Variants in PPP3CA observed in about 807,000 individuals in gnomAD.
The protein encoded by PPP3CA is CAM-PRP catalytic subunit.
A neutral mutation model predicts 66.5 loss-of-function variants in PPP3CA; 14 were observed. That is an observed-to-expected ratio of 0.21 (90% CI 0.14 to 0.33). The LOEUF is 0.33. PPP3CA is among the 10% of genes least tolerant of loss of function. The pLI, the probability that PPP3CA is intolerant of heterozygous loss-of-function variation, is 1.00. For synonymous variants in PPP3CA, 232 were observed against 226.2 expected (o/e 1.03, Z -0.23); for missense variants, 317 against 639.5 (o/e 0.50, Z 5.44).
At position 101,260,786 on chromosome 4, in the gene PPP3CA, A is replaced by G. The variant is rs138168620; in HGVS notation, c.59-64670T>C. ...TTTCTCAGTCATTATCATCAGGTAAATTATCCACATAAAAGGTATTAATTT... is the reference window on the plus strand; with the variant it reads ...TTTCTCAGTCATTATCATCAGGTAAGTTATCCACATAAAAGGTATTAATTT... On this transcript the variant is annotated intron_variant, in intron 1 of 13. Coordinates refer to ENST00000394854, the MANE Select transcript of PPP3CA (RefSeq NM_000944.5). 5.7e-4 allele frequency among the ~76,000 whole-genome samples: 87 copies of G among 152,248 alleles called. 1 individual carries two copies. Among genetic ancestry groups the G allele is most frequent in the African/African-American group, 1.9e-3 (81 of 41,556 alleles).
chr4:101,154,484 A>G (rs77768583), intron 2 of PPP3CA, among the ~76,000 whole-genome samples: 2 of 152,244 alleles, frequency 1.3e-5, no homozygotes, highest in South Asian at 4.1e-4. Context: ...AAAGAAAAAA[A>G]TCTAAAGCTA....
Position 101,130,416 on chromosome 4 carries a change from C to T in PPP3CA, c.260-21338G>A, listed in dbSNP as rs149792119. On this transcript the variant is annotated intron_variant, in intron 2 of 13. Coordinates refer to ENST00000394854, the MANE Select transcript of PPP3CA (RefSeq NM_000944.5). ...ACACAGAGAGCACCACAAAGATACT[C>T]CTTGAGAAGAGCAACCCTAAAACAC... is the stretch of plus-strand genomic sequence containing the variant. 3.9e-5 allele frequency among the ~76,000 whole-genome samples: 6 copies of T among 152,218 alleles called. No individual in the cohort carries two copies. In the East Asian group the frequency reaches 1.2e-3, roughly 29 times the overall value.
chr4:101,297,778 T>C (rs1158493877), intron 1 of PPP3CA, among the ~76,000 whole-genome samples: 2 of 152,218 alleles, frequency 1.3e-5, no homozygotes, highest in African/African-American at 4.8e-5. Flanking sequence ...CATTTAAACA[T>C]GAAATTAAAC....
chr4:101,095,302 G>A (rs1005395710), intron 5 of PPP3CA, among the ~76,000 whole-genome samples: 7 of 152,048 alleles, frequency 4.6e-5, no homozygotes, highest in Non-Finnish European at 5.9e-5. Context: ...GAAAGTTTCT[G>A]ATTAATATGA....
At chr4:101,283,017 A>G (rs919736934) in intron 1 of PPP3CA, among the ~76,000 whole-genome samples, 8 of 152,250 alleles carry the variant, frequency 5.3e-5, no homozygotes, top group African/African-American at 1.9e-4. Flanking sequence ...ACATAATACA[A>G]TTAACACATT....
intron 2 of PPP3CA, among the ~76,000 whole-genome samples, chr4:101,111,611 T>C (rs1175131154): frequency 2.0e-5 from 3 of 152,098 alleles, no homozygotes; most frequent in Non-Finnish European, 4.4e-5. Flanking sequence ...GGGGTATCAT[T>C]TAAAGGCCTA....
intron 2 of PPP3CA, among the ~76,000 whole-genome samples, chr4:101,133,853 A>C (rs1204693371): frequency 6.6e-6 from 1 of 152,228 alleles, no homozygotes; most frequent in Non-Finnish European, 1.5e-5. Flanking sequence ...CTATACTACA[A>C]GGCTACAGTA....
At chr4:101,346,660 G>T in intron 1 of PPP3CA, 79 bp downstream of exon 1, 2 of 1,209,762 alleles carry the variant, frequency 1.7e-6, no homozygotes, top group Non-Finnish European at 2.4e-6. Flanking sequence ...CGGGGGAGGG[G>T]AGGAAAGGCG....
At chr4:101,204,560 T>C (rs1278308479) in intron 1 of PPP3CA, among the ~76,000 whole-genome samples, 2 of 143,556 alleles carry the variant, frequency 1.4e-5, no homozygotes, top group Non-Finnish European at 3.0e-5. Context: ...GGCGCAAACC[T>C]GGGAAGCGGA....
At chr4:101,214,908 C>G (rs1725410774) in intron 1 of PPP3CA, among the ~76,000 whole-genome samples, 1 of 152,034 alleles carries the variant, frequency 6.6e-6, no homozygotes, top group Non-Finnish European at 1.5e-5. Flanking sequence ...AGACATTTAC[C>G]TCATTTTCAT....
At chr4:101,249,406 A>G (rs1223580816) in intron 1 of PPP3CA, among the ~76,000 whole-genome samples, 2 of 152,162 alleles carry the variant, frequency 1.3e-5, no homozygotes, top group Admixed American at 6.5e-5. Flanking sequence ...TAAAGCATCC[A>G]TTAAAAAATA....
At chr4:101,199,805 G>A (rs555168697) in intron 1 of PPP3CA, among the ~76,000 whole-genome samples, 3 of 152,290 alleles carry the variant, frequency 2.0e-5, no homozygotes, top group African/African-American at 7.2e-5. Context: ...GTTTCCAGCA[G>A]AGAGTTTATC....
intron 1 of PPP3CA, among the ~76,000 whole-genome samples, chr4:101,238,126 T>C (rs1208383256): frequency 6.6e-6 from 1 of 152,064 alleles, no homozygotes; most frequent in Non-Finnish European, 1.5e-5. Context: ...GAGTGTGATA[T>C]GGCCACCAGA....
intron 1 of PPP3CA, among the ~76,000 whole-genome samples, chr4:101,223,584 A>T (rs1297653047): frequency 6.6e-6 from 1 of 151,830 alleles, no homozygotes; most frequent in Admixed American, 6.6e-5. Context: ...TGGTATTTCA[A>T]TGTGGGATAC....
At chr4:101,274,718 T>C (rs1290952298) in intron 1 of PPP3CA, among the ~76,000 whole-genome samples, 3 of 152,290 alleles carry the variant, frequency 2.0e-5, no homozygotes, top group East Asian at 3.9e-4. Context: ...GTCCAATTAG[T>C]AAAATCTCTG....
At chr4:101,091,129 G>C (rs1729919049) in intron 6 of PPP3CA, among the ~76,000 whole-genome samples, 1 of 151,990 alleles carries the variant, frequency 6.6e-6, no homozygotes, top group Non-Finnish European at 1.5e-5. Flanking sequence ...TAATGCAACA[G>C]GACTCAATAT....
At chr4:101,252,943 T>A (rs1230279784) in intron 1 of PPP3CA, among the ~76,000 whole-genome samples, 2 of 152,110 alleles carry the variant, frequency 1.3e-5, no homozygotes, top group Non-Finnish European at 2.9e-5. Context: ...CTCTAAGAGG[T>A]TGCTGCTTGC....
chr4:101,304,705 A>G (rs1032513560), intron 1 of PPP3CA, among the ~76,000 whole-genome samples: 3 of 152,226 alleles, frequency 2.0e-5, no homozygotes, highest in Non-Finnish European at 2.9e-5. Context: ...TTTTAATGTA[A>G]AAACTTAAAA....
intron 1 of PPP3CA, among the ~76,000 whole-genome samples, chr4:101,270,855 T>G (rs1201926468): frequency 1.3e-5 from 2 of 152,118 alleles, no homozygotes; most frequent in Non-Finnish European, 2.9e-5. Flanking sequence ...AACCCCAAAG[T>G]AGATTAAATA....
Sources: allele counts gnomAD v4.1 joint callset (sites outside exome capture counted in the v4.1 genomes callset), GRCh38; gene constraint gnomAD v4.1.1; transcripts MANE v1.5; gene names NCBI Gene and HGNC (gene_info 2026-07-23, HGNC 2026-07-21).